KIF15: variants seen among roughly 807,000 people sequenced by gnomAD.
The protein encoded by KIF15 is kinesin-like protein KIF15.
A neutral mutation model predicts 190.6 loss-of-function variants in KIF15; 140 were observed. That is an observed-to-expected ratio of 0.73 (90% CI 0.64 to 0.84). The LOEUF is 0.84. Among genes scored for constraint, KIF15 ranks in the 40% least tolerant of loss-of-function variants. The probability of loss-of-function intolerance (pLI) is 0.00; values close to 1 mark genes in which losing one functional copy is unlikely to be tolerated. For synonymous variants in KIF15, 528 were observed against 551.3 expected (o/e 0.96, Z 0.59); for missense variants, 1,372 against 1,584.4 (o/e 0.87, Z 2.28).
chr3:44,859,820 T>C (rs987164069), intron 6 of KIF15, among the ~76,000 whole-genome samples: 11 of 152,166 alleles, frequency 7.2e-5, no homozygotes, highest in Non-Finnish European at 1.6e-4. Flanking sequence ...AGAGACTCTG[T>C]CTCCCTCTAA....
intron 6 of KIF15, among the ~76,000 whole-genome samples, chr3:44,860,678 G>A (rs544908135): frequency 2.6e-4 from 39 of 151,978 alleles, no homozygotes; most frequent in African/African-American, 8.9e-4. Flanking sequence ...GGCCTTATCC[G>A]TGCTTTTATT....
At chr3:44,844,418 C>T (rs1698752575) in intron 30 of KIF15, among the ~76,000 whole-genome samples, 2 of 152,194 alleles carry the variant, frequency 1.3e-5, no homozygotes, top group Non-Finnish European at 2.9e-5. Flanking sequence ...CCACAGTCTG[C>T]TCACCTAGTT....
intron 26 of KIF15, among the ~76,000 whole-genome samples, chr3:44,833,876 C>T (rs932721186): frequency 3.3e-5 from 5 of 152,160 alleles, no homozygotes; most frequent in African/African-American, 7.2e-5. Context: ...GAAGCCACAA[C>T]CTAGGGTCCC....
chr3:44,866,133 C>T (rs1354711284), intron 6 of KIF15, among the ~76,000 whole-genome samples: 15 of 147,936 alleles, frequency 1.0e-4, no homozygotes, highest in African/African-American at 2.7e-4. Flanking sequence ...AGTGCAGTGG[C>T]GCAATCTCAG....
At chr3:44,793,628 T>C (rs1324682661) in intron 7 of KIF15, among the ~76,000 whole-genome samples, 1 of 152,190 alleles carries the variant, frequency 6.6e-6, no homozygotes, top group African/African-American at 2.4e-5. Flanking sequence ...CTGATTTTGG[T>C]GGCTGTTGTG....
At chr3:44,848,462 G>T in intron 31 of KIF15, 59 bp from the exon 32 acceptor site, 1 of 762,402 alleles carries the variant, frequency 1.3e-6, no homozygotes, top group South Asian at 1.7e-5. Context: ...TCTTTTTTAA[G>T]CAATGTTATT....
rs1260205411 is a variant in KIF15, at chr3:44,810,977, G to A, written c.2103G>A (p.Glu701=). The change falls in exon 17 of 35, where the codon GAG becomes GAA. Residue 701 remains glutamate (E), a synonymous_variant. Transcript: ENST00000326047. The part of the protein sequence containing the change: ...SSILDNDILN[E]PVPPEMNEQA... ...TATTAGATAATGATATATTAAATGA[G>A]CCAGTTCCTCCTGAGATGAATGAAC... is the stretch of plus-strand genomic sequence containing the variant. 6.2e-7 allele frequency: 1 copy of A among 1,613,748 alleles called. No homozygotes were observed. Among genetic ancestry groups the A allele is most frequent in the African/African-American group, 1.3e-5 (1 of 74,884 alleles).
At chr3:44,813,688 G>A (rs1228059827) in intron 19 of KIF15, among the ~76,000 whole-genome samples, 3 of 149,626 alleles carry the variant, frequency 2.0e-5, no homozygotes, top group Non-Finnish European at 3.0e-5. Context: ...GCGCAGTGGC[G>A]GGATCTCGGC....
chr3:44,861,224 CA>C (rs925419127), intron 6 of KIF15, among the ~76,000 whole-genome samples: 73 of 152,216 alleles, frequency 4.8e-4, no homozygotes, highest in African/African-American at 1.5e-3. Context: ...CTCCCGACCT[CA>C]GGTGATCCAC....
chr3:44,777,737 T>C (rs1227199262), intron 3 of KIF15, among the ~76,000 whole-genome samples: 1 of 152,170 alleles, frequency 6.6e-6, no homozygotes, highest in Non-Finnish European at 1.5e-5. Flanking sequence ...GCATTTGTAG[T>C]AAGACTGCAT....
intron 20 of KIF15, among the ~76,000 whole-genome samples, chr3:44,823,752 C>T (rs969845849): frequency 6.6e-6 from 1 of 152,234 alleles, no homozygotes; most frequent in Non-Finnish European, 1.5e-5. Flanking sequence ...GCTGCTGCCT[C>T]ACAGGTCGAT....
In KIF15 at chr3:44,840,345, A is replaced by G; in HGVS notation, c.3319-10A>G. The G allele has an allele frequency of 6.4e-7, 1 of 1,563,136 alleles. No individual in the cohort carries two copies. Among genetic ancestry groups the G allele is most frequent in the Middle Eastern group, 1.7e-4 (1 of 5,946 alleles). On this transcript the variant is annotated splice_polypyrimidine_tract_variant and intron_variant, in intron 27 of 34. Transcript: ENST00000326047. ...TAAGTTGTAACCTTGTATCTGTTCA[A>G]TTTTCCCAGCTAAACCAAAAGAAAG...
intron 10 of KIF15, chr3:44,799,356 T>C (rs1707146162): frequency 2.2e-6 from 1 of 456,196 alleles, no homozygotes; most frequent in African/African-American, 2.0e-5. Flanking sequence ...AAGGATGTGC[T>C]ATTTAAATTT....
intron 29 of KIF15, among the ~76,000 whole-genome samples, chr3:44,841,792 C>T (rs1698621131): frequency 6.6e-6 from 1 of 152,160 alleles, no homozygotes; most frequent in South Asian, 2.1e-4. Context: ...GAAAAGTATT[C>T]CTTCTACCCC....
intron 1 of KIF15, 82 bp from the exon 2 acceptor site, chr3:44,774,313 G>C: frequency 8.0e-7 from 1 of 1,245,966 alleles, no homozygotes; most frequent in East Asian, 2.4e-5. Flanking sequence ...GAATGTAGCA[G>C]GCAACCCAGG....
chr3:44,840,624 A>AT (rs1698545379), intron 28 of KIF15, among the ~76,000 whole-genome samples, 168 bp downstream of exon 28: 3 of 150,998 alleles, frequency 2.0e-5, no homozygotes, highest in Non-Finnish European at 2.9e-5. Context: ...ATTTCCTTGG[A>AT]AAAGAATTAG....
intron 1 of KIF15, among the ~76,000 whole-genome samples, chr3:44,768,141 G>A (rs1255005257): frequency 6.6e-6 from 1 of 151,622 alleles, no homozygotes; most frequent in Non-Finnish European, 1.5e-5. Flanking sequence ...AGGCGTGGTG[G>A]TGCACCCTGT....
chr3:44,779,447 G>C (rs1453528262), intron 4 of KIF15, among the ~76,000 whole-genome samples: 1 of 152,154 alleles, frequency 6.6e-6, no homozygotes, highest in African/African-American at 2.4e-5. Flanking sequence ...TGGGTATACT[G>C]TCTGGTTTAC....
chr3:44,865,834 G>A (rs759433932), intron 6 of KIF15, among the ~76,000 whole-genome samples: 1 of 152,152 alleles, frequency 6.6e-6, no homozygotes, highest in Non-Finnish European at 1.5e-5. Flanking sequence ...ACTTCCTGAG[G>A]TCACACAGGC....
Sources: allele counts gnomAD v4.1 joint callset (sites outside exome capture counted in the v4.1 genomes callset), GRCh38; gene constraint gnomAD v4.1.1; transcripts MANE v1.5; gene names NCBI Gene and HGNC (gene_info 2026-07-23, HGNC 2026-07-21).